The following NPSR1 variants were observed in gnomAD, a reference collection of about 807,000 sequenced individuals.
The protein encoded by NPSR1 is neuropeptide S receptor.
Under a neutral mutation model 46.9 loss-of-function variants are expected in NPSR1, and 48 were observed. The ratio of observed to expected loss-of-function variants is 1.02; its 90% CI spans 0.81 to 1.30. NPSR1 has a LOEUF of 1.30. Among genes scored for constraint, NPSR1 ranks in the 50% most tolerant of loss-of-function variants. NPSR1 has a pLI of 0.00. For synonymous variants in NPSR1, 176 were observed against 168.1 expected (o/e 1.05, Z -0.36); for missense variants, 450 against 449.5 (o/e 1.00, Z -0.01).
At chr7:34,803,619 A>G (rs1788537382) in intron 3 of NPSR1, among the ~76,000 whole-genome samples, 1 of 152,048 alleles carries the variant, frequency 6.6e-6, no homozygotes, top group Admixed American at 6.6e-5. Context: ...CTAATGCTAA[A>G]TGACAAGTTA....
chr7:34,714,065 G>A (rs937004498), intron 2 of NPSR1, among the ~76,000 whole-genome samples: 6 of 152,258 alleles, frequency 3.9e-5, no homozygotes, highest in African/African-American at 1.2e-4. Flanking sequence ...CTGAGACTCA[G>A]CCAGAAATGG....
rs35826710 is a variant in NPSR1, at chr7:34,663,067, C to CTCTCTCTCTCTCTG, written c.147+4509_147+4510insCTCTCTCTCTCTGT. ...TCTCTCTCTCTCTCTCTCTCTCTCT[C>CTCTCTCTCTCTCTG]TGTGTGTGTGTGTGTATGTGTGTGT... On this transcript the variant is annotated intron_variant, in intron 1 of 8. Coordinates refer to ENST00000360581, the MANE Select transcript of NPSR1 (RefSeq NM_207172.2). Among the ~76,000 whole-genome samples the CTCTCTCTCTCTCTG allele has an allele frequency of 2.9e-3, 292 of 99,402 alleles. 2 individuals are homozygous for CTCTCTCTCTCTCTG. The highest frequency in any genetic ancestry group is 0.014 in the African/African-American group (245 of 17,636). 65.2% of individuals were successfully genotyped at this position (99,402 alleles called of 152,430 possible). A position where few individuals can be genotyped will look rare whatever the true frequency, so the allele number is the denominator to read the frequency against.
At chr7:34,693,378 A>G (rs1793361628) in intron 2 of NPSR1, among the ~76,000 whole-genome samples, 1 of 152,222 alleles carries the variant, frequency 6.6e-6, no homozygotes, top group African/African-American at 2.4e-5. Flanking sequence ...CTGTGCACAC[A>G]AACTAGAAAA....
At chr7:34,773,896 G>A (rs1020025155) in intron 2 of NPSR1, among the ~76,000 whole-genome samples, 13 of 152,056 alleles carry the variant, frequency 8.5e-5, no homozygotes, top group Non-Finnish European at 1.3e-4. Flanking sequence ...AGTGTTAAAC[G>A]CATGACACAA....
At position 34,772,984 on chromosome 7, in the gene NPSR1, C is replaced by T. The variant is rs571822826; in HGVS notation, c.281-5478C>T. On this transcript the variant is annotated intron_variant, in intron 2 of 8. Transcript: ENST00000360581. ...AGCCATAGCTTTTAGTTCAATGGTA[C>T]CTTTGCTATGTTCCCTGGCAGAAGT... Among the ~76,000 whole-genome samples the T allele has an allele frequency of 5.3e-4, 81 of 152,202 alleles. 1 individual carries two copies. The highest frequency in any genetic ancestry group is 2.7e-3 in the Admixed American group (41 of 15,272).
At position 34,764,879 on chromosome 7, in the gene NPSR1, A is replaced by T. The variant is rs569740992; in HGVS notation, c.281-13583A>T. On this transcript the variant is annotated intron_variant, in intron 2 of 8. Transcript: ENST00000360581. ...TACCCCACCCCTAAGGCCCAGGCACACTGGCCTATATGGGTCTGTGGCTGA... is the reference window on the plus strand; with the variant it reads ...TACCCCACCCCTAAGGCCCAGGCACTCTGGCCTATATGGGTCTGTGGCTGA... 1.3e-3 allele frequency among the ~76,000 whole-genome samples: 193 copies of T among 152,292 alleles called. 1 individual carries two copies. The highest frequency in any genetic ancestry group is 2.3e-3 in the Non-Finnish European group (158 of 68,018).
intron 5 of NPSR1, among the ~76,000 whole-genome samples, chr7:34,833,126 C>A (rs1035527783): frequency 4.6e-5 from 7 of 152,122 alleles, no homozygotes; most frequent in African/African-American, 1.7e-4. Flanking sequence ...TTCTAAAGAT[C>A]ATTAAAAGCA....
At chr7:34,774,193 A>G (rs528931960) in intron 2 of NPSR1, among the ~76,000 whole-genome samples, 1 of 152,230 alleles carries the variant, frequency 6.6e-6, no homozygotes, top group African/African-American at 2.4e-5. Flanking sequence ...GTGATCATCT[A>G]TTTTTGCTTT....
At chr7:34,710,204 C>T (rs976833624) in intron 2 of NPSR1, among the ~76,000 whole-genome samples, 5 of 152,174 alleles carry the variant, frequency 3.3e-5, no homozygotes, top group African/African-American at 1.2e-4. Context: ...ATTAGAAAGG[C>T]CACCTTCTGA....
intron 8 of NPSR1, among the ~76,000 whole-genome samples, chr7:34,859,561 C>A (rs1410721491): frequency 4.0e-5 from 6 of 151,656 alleles, no homozygotes; most frequent in Non-Finnish European, 7.3e-5. Flanking sequence ...AAGAACTAAT[C>A]ACCAAAGCTT....
chr7:34,685,376 C>A (rs1792875573), intron 2 of NPSR1, among the ~76,000 whole-genome samples: 1 of 152,044 alleles, frequency 6.6e-6, no homozygotes, highest in Admixed American at 6.6e-5. Flanking sequence ...GAGTCCTGTT[C>A]TACAGGCCAG....
rs182741022 is a variant in NPSR1, at chr7:34,837,096, T to C, written c.757+2636T>C. 2.0e-5 allele frequency among the ~76,000 whole-genome samples: 3 copies of C among 152,316 alleles called. No individual in the cohort carries two copies. The East Asian group carries it at 5.8e-4, about 29-fold the overall frequency. The stretch of plus-strand genomic sequence containing the variant: ...ATCAAGAAGCTAAATGTTATCAATG[T>C]TATTGCAGTTATCTCTGAGTGGTCG... On this transcript the variant is annotated intron_variant, in intron 6 of 8. Coordinates refer to ENST00000360581, the MANE Select transcript of NPSR1 (RefSeq NM_207172.2).
rs1420960891 is a variant in NPSR1 at position 34,868,752 on chromosome 7, T to A, written c.1026-9324T>A. On this transcript the variant is annotated intron_variant, in intron 8 of 8. Transcript: ENST00000359791. ...GCCCCCTGAGTCGGTTTCCATGGAC[T>A]CCCGTTTAAACCCTGGGGGCAGGCA... 2.6e-5 allele frequency among the ~76,000 whole-genome samples: 4 copies of A among 151,576 alleles called. No homozygotes were observed. In the East Asian group the frequency reaches 7.7e-4, roughly 29 times the overall value.
rs1342241302 is a variant in NPSR1, at chr7:34,791,057, GTTATATA to G, written c.384+12499_384+12505del. Reference sequence around the variant, plus strand: ...ATATATTATATTATATATGTTATATGTTATATATTATATTATATATGTTATATGTTAT... The same window carrying G: ...ATATATTATATTATATATGTTATATGTTATATTATATATGTTATATGTTAT... On this transcript the variant is annotated intron_variant, in intron 3 of 8. Coordinates refer to ENST00000360581, the MANE Select transcript of NPSR1 (RefSeq NM_207172.2). Among the ~76,000 whole-genome samples the G allele has an allele frequency of 4.3e-4, 41 of 96,098 alleles. 1 individual carries two copies. The highest frequency in any genetic ancestry group is 1.9e-3 in the African/African-American group (40 of 21,594). 63.0% of individuals were successfully genotyped at this position (96,098 alleles called of 152,430 possible).
At chr7:34,832,331 C>G (rs1790158569) in intron 5 of NPSR1, among the ~76,000 whole-genome samples, 1 of 152,132 alleles carries the variant, frequency 6.6e-6, no homozygotes, top group South Asian at 2.1e-4. Context: ...CCCGGGAGTT[C>G]AAGACCAGCC....
At chr7:34,868,957 A>G (rs911726811) in intron 8 of NPSR1, among the ~76,000 whole-genome samples, 4 of 151,750 alleles carry the variant, frequency 2.6e-5, no homozygotes, top group East Asian at 1.9e-4. Context: ...ACAGGACTTC[A>G]GCAGGAGAGG....
chr7:34,692,140 A>ACAAAT (rs1793296182), intron 2 of NPSR1, among the ~76,000 whole-genome samples: 3 of 151,946 alleles, frequency 2.0e-5, no homozygotes, highest in Non-Finnish European at 4.4e-5. Context: ...ACAAAACAAA[A>ACAAAT]CGAAACAAAA....
At position 34,778,517 on chromosome 7, in the gene NPSR1, A is replaced by G. The variant is rs746582371; in HGVS notation, c.336A>G (p.Gly112=). The part of the protein sequence containing the change: ...ILTDINWRFT[G]DFTAPDLVCR... Reference sequence around the variant, plus strand: ...CAGATATTAATTGGCGATTCACTGGAGACTTCACGGCACCTGACCTGGTTT... The same window carrying G: ...CAGATATTAATTGGCGATTCACTGGGGACTTCACGGCACCTGACCTGGTTT... Residue 112 remains glycine, a synonymous_variant, in exon 3 of 9, where the codon GGA becomes GGG. Transcript: ENST00000360581. 8 of 1,612,960 alleles carry G rather than the reference A, an allele frequency of 5.0e-6. No homozygotes were observed. The East Asian group carries it at 1.8e-4, about 36-fold the overall frequency.
chr7:34,787,423 A>G (rs1389877649), intron 3 of NPSR1, among the ~76,000 whole-genome samples: 1 of 152,272 alleles, frequency 6.6e-6, no homozygotes, highest in South Asian at 2.1e-4. Flanking sequence ...AACTTTCTCC[A>G]TATCAGCAGT....
Sources: gnomAD v4.1 joint callset for allele counts (sites outside exome capture counted in the v4.1 genomes callset) on GRCh38, gnomAD v4.1.1 for gene constraint, MANE v1.5 for transcripts, NCBI Gene and HGNC (gene_info 2026-07-23, HGNC 2026-07-21) for gene names.